The following AUTS2 variants were observed in gnomAD, a reference collection of about 807,000 sequenced individuals.
The protein encoded by AUTS2 is activator of transcription and developmental regulator AUTS2, also known as autism susceptibility gene 2 protein.
A neutral mutation model predicts 112.4 loss-of-function variants in AUTS2; 17 were observed. The observed-to-expected ratio is 0.15, with a 90% CI of 0.10 to 0.23. The LOEUF (loss-of-function observed/expected upper bound fraction) is 0.23, where lower values mean the gene tolerates loss of function less well. AUTS2 is among the 10% of genes least tolerant of loss of function. The pLI is 1.00. For synonymous variants in AUTS2, 751 were observed against 702.7 expected, an observed-to-expected ratio of 1.07 and a Z score of -1.09; for missense variants, 1,510 against 1,701.6, an observed-to-expected ratio of 0.89 and a Z score of 1.98.
intron 4 of AUTS2, among the ~76,000 whole-genome samples, chr7:70,388,172 T>G (rs567502235): frequency 1.3e-5 from 2 of 152,232 alleles, no homozygotes; most frequent in African/African-American, 4.8e-5. Context: ...CTTCAAATTC[T>G]TTCTCTTCCA....
chr7:70,224,037 A>G (rs1454274363), intron 4 of AUTS2, among the ~76,000 whole-genome samples: 9 of 152,172 alleles, frequency 5.9e-5, no homozygotes, highest in Admixed American at 6.5e-5. Context: ...AAAGTAGGCC[A>G]TGTGCAGTGG....
chr7:69,895,541 CT>C (rs1794705115), intron 1 of AUTS2, among the ~76,000 whole-genome samples: 1 of 127,856 alleles, frequency 7.8e-6, no homozygotes, highest in Admixed American at 7.6e-5. Flanking sequence ...TCTCTCTCTT[CT>C]TCCCCCCCCC....
At chr7:69,715,712 A>G (rs1798577310) in intron 1 of AUTS2, among the ~76,000 whole-genome samples, 1 of 152,224 alleles carries the variant, frequency 6.6e-6, no homozygotes, top group African/African-American at 2.4e-5. Flanking sequence ...TAATGTGACC[A>G]ACAGGATCAT....
At chr7:69,800,742 T>A (rs77871636) in intron 1 of AUTS2, among the ~76,000 whole-genome samples, 2,368 of 152,246 alleles carry the variant, frequency 0.016, 32 homozygotes, top group Non-Finnish European at 0.025. Flanking sequence ...GAAGGCCACA[T>A]GTGACTAGGT....
At chr7:70,609,472 G>A (rs529900861) in intron 5 of AUTS2, among the ~76,000 whole-genome samples, 53 of 145,244 alleles carry the variant, frequency 3.6e-4, no homozygotes, top group Non-Finnish European at 6.8e-4. Flanking sequence ...TCGGCTTACT[G>A]CAAACTCTGC....
chr7:70,444,554 A>G (rs1342632168), intron 5 of AUTS2, among the ~76,000 whole-genome samples: 6 of 152,216 alleles, frequency 3.9e-5, no homozygotes, highest in Non-Finnish European at 8.8e-5. Context: ...CCCAGATTCA[A>G]CAAATGAATG....
chr7:70,747,511 T>A (rs1374206908), intron 6 of AUTS2, among the ~76,000 whole-genome samples: 1 of 152,222 alleles, frequency 6.6e-6, no homozygotes, highest in Non-Finnish European at 1.5e-5. Context: ...CAGGCTAGAA[T>A]GCAATGGCGC....
chr7:70,142,657 C>T (rs940212051), intron 4 of AUTS2, among the ~76,000 whole-genome samples: 1 of 152,184 alleles, frequency 6.6e-6, no homozygotes, highest in South Asian at 2.1e-4. Flanking sequence ...AAGCTGTTGG[C>T]TTAGCCTGTT....
intron 6 of AUTS2, among the ~76,000 whole-genome samples, chr7:70,716,994 AT>A (rs1159029938): frequency 0.011 from 821 of 71,738 alleles, 2 homozygotes; most frequent in Middle Eastern, 0.013. Flanking sequence ...CAGTGGAGTT[AT>A]TTTTTTTTTT....
At chr7:70,461,552 G>A (rs947019237) in intron 5 of AUTS2, among the ~76,000 whole-genome samples, 1 of 152,170 alleles carries the variant, frequency 6.6e-6, no homozygotes, top group East Asian at 1.9e-4. Flanking sequence ...GAGACATGTG[G>A]TGGTAATGAT....
intron 5 of AUTS2, among the ~76,000 whole-genome samples, chr7:70,457,272 C>T (rs1389014677): frequency 6.6e-6 from 1 of 152,194 alleles, no homozygotes; most frequent in East Asian, 1.9e-4. Flanking sequence ...ACTTTACCCA[C>T]CCCGTGGAAT....
At chr7:70,542,855 G>A (rs528445956) in intron 5 of AUTS2, among the ~76,000 whole-genome samples, 1 of 152,240 alleles carries the variant, frequency 6.6e-6, no homozygotes, top group East Asian at 1.9e-4. Context: ...TTATATCAAT[G>A]ATGGCATCAA....
intron 4 of AUTS2, among the ~76,000 whole-genome samples, chr7:70,284,855 G>C (rs960402552): frequency 6.6e-6 from 1 of 152,182 alleles, no homozygotes; most frequent in Non-Finnish European, 1.5e-5. Context: ...CCCTCCAGAG[G>C]TCCAGGATTG....
At chr7:70,511,664 C>T (rs1187716881) in intron 5 of AUTS2, among the ~76,000 whole-genome samples, 1 of 146,674 alleles carries the variant, frequency 6.8e-6, no homozygotes, top group Non-Finnish European at 1.5e-5. Flanking sequence ...CAATCTCTGC[C>T]TCCCAGGTTC....
At chr7:70,348,864 G>C (rs1190251069) in intron 4 of AUTS2, among the ~76,000 whole-genome samples, 1 of 152,190 alleles carries the variant, frequency 6.6e-6, no homozygotes, top group Non-Finnish European at 1.5e-5. Context: ...GAACTAATGA[G>C]ATTTCATCAC....
At chr7:69,899,974 C>T (rs1794907423) in intron 2 of AUTS2, among the ~76,000 whole-genome samples, 1 of 152,094 alleles carries the variant, frequency 6.6e-6, no homozygotes, top group Non-Finnish European at 1.5e-5. Flanking sequence ...TCTGGGAGGG[C>T]AATGGCAAAA....
At chr7:70,462,034 C>T (rs1585173781) in intron 5 of AUTS2, among the ~76,000 whole-genome samples, 1 of 152,108 alleles carries the variant, frequency 6.6e-6, no homozygotes, top group African/African-American at 2.4e-5. Flanking sequence ...GGCAGATCAC[C>T]TGAGGTCAGG....
intron 14 of AUTS2, among the ~76,000 whole-genome samples, chr7:70,779,746 G>C (rs1054144836): frequency 1.3e-5 from 2 of 152,160 alleles, no homozygotes; most frequent in East Asian, 3.9e-4. Flanking sequence ...GATCAGAAGA[G>C]TAGCCAGGCA....
At chr7:70,247,860 ATTTTG>A (rs1030356899) in intron 4 of AUTS2, among the ~76,000 whole-genome samples, 1 of 152,050 alleles carries the variant, frequency 6.6e-6, no homozygotes, top group Non-Finnish European at 1.5e-5. Flanking sequence ...TAAATATGGT[ATTTTG>A]TTTTGTTTTG....
Sources: allele counts gnomAD v4.1 joint callset (sites outside exome capture counted in the v4.1 genomes callset), GRCh38; gene constraint gnomAD v4.1.1; transcripts MANE v1.5; gene names NCBI Gene and HGNC (gene_info 2026-07-23, HGNC 2026-07-21).